AKR1C8: variants seen among roughly 807,000 people sequenced by gnomAD.
AKR1C8 encodes the protein aldo-keto reductase family 1 member C-like protein 1.
chr10:5,148,597 C>T, the AKR1C8 span, among the ~76,000 whole-genome samples: 1 of 152,070 alleles, frequency 6.6e-6, no homozygotes, highest in Non-Finnish European at 1.5e-5. Flanking sequence ...TCTTGTGAGC[C>T]TCTTATTAGT....
the AKR1C8 span, chr10:5,154,201 T>G: frequency 2.1e-6 from 1 of 469,944 alleles, no homozygotes; most frequent in Admixed American, 2.4e-5. Context: ...GAAAAAATAT[T>G]AATTTAGTAA....
chr10:5,138,682 A>C, the AKR1C8 span, among the ~76,000 whole-genome samples: 2 of 152,168 alleles, frequency 1.3e-5, no homozygotes, highest in Non-Finnish European at 2.9e-5. Context: ...ATGTCCATTA[A>C]ATCTTCACAA....
chr10:5,166,894 C>T, the AKR1C8 span, among the ~76,000 whole-genome samples: 2 of 150,954 alleles, frequency 1.3e-5, no homozygotes, highest in African/African-American at 4.9e-5. Context: ...ACTCATCTGA[C>T]AAAGGGCAAA....
chr10:5,164,965 A>ACTT, the AKR1C8 span, among the ~76,000 whole-genome samples: 1 of 152,218 alleles, frequency 6.6e-6, no homozygotes, highest in East Asian at 1.9e-4. Flanking sequence ...CATTTTTACA[A>ACTT]GTTGTGGATA....
At chr10:5,141,809 G>A in the AKR1C8 span, among the ~76,000 whole-genome samples, 1 of 152,100 alleles carries the variant, frequency 6.6e-6, no homozygotes, top group Non-Finnish European at 1.5e-5. Context: ...AAAGAGCTAT[G>A]CTGTAAGACA....
chr10:5,127,500 C>T, the AKR1C8 span, among the ~76,000 whole-genome samples: 1 of 152,018 alleles, frequency 6.6e-6, no homozygotes, highest in Non-Finnish European at 1.5e-5. Flanking sequence ...GGGTGAATCA[C>T]TTGAGGTCAG....
the AKR1C8 span, among the ~76,000 whole-genome samples, chr10:5,184,421 C>A: frequency 6.6e-6 from 1 of 152,186 alleles, no homozygotes; most frequent in Non-Finnish European, 1.5e-5. Context: ...GAGACTGTAA[C>A]AGAATCGCAG....
the AKR1C8 span, among the ~76,000 whole-genome samples, chr10:5,156,345 T>C: frequency 6.6e-6 from 1 of 152,226 alleles, no homozygotes; most frequent in Non-Finnish European, 1.5e-5. Flanking sequence ...ACTTAGATCT[T>C]ATGTTCAAAG....
At chr10:5,133,269 T>C in the AKR1C8 span, among the ~76,000 whole-genome samples, 3 of 152,090 alleles carry the variant, frequency 2.0e-5, no homozygotes, top group African/African-American at 7.2e-5. Context: ...GTTAAATTTT[T>C]GTATTTTTGG....
At chr10:5,128,399 C>A in the AKR1C8 span, among the ~76,000 whole-genome samples, 1 of 152,094 alleles carries the variant, frequency 6.6e-6, no homozygotes, top group Admixed American at 6.6e-5. Context: ...ATTTAGGTAA[C>A]AATTGAAATG....
At chr10:5,155,634 A>G in the AKR1C8 span, 2 of 444,546 alleles carry the variant, frequency 4.5e-6, no homozygotes, top group Non-Finnish European at 9.3e-6. Context: ...CCTGCATACT[A>G]CAGAAAACAG....
At chr10:5,180,912 G>A in the AKR1C8 span, among the ~76,000 whole-genome samples, 2 of 152,342 alleles carry the variant, frequency 1.3e-5, no homozygotes, top group South Asian at 2.1e-4. Flanking sequence ...GACTAGGAAA[G>A]GGAACTCCCT....
chr10:5,179,270 T>C, the AKR1C8 span, among the ~76,000 whole-genome samples: 1 of 152,332 alleles, frequency 6.6e-6, no homozygotes, highest in South Asian at 2.1e-4. Context: ...AAATTCTGGG[T>C]TGAAAATTCT....
At chr10:5,128,649 C>T in the AKR1C8 span, among the ~76,000 whole-genome samples, 3 of 151,396 alleles carry the variant, frequency 2.0e-5, no homozygotes, top group South Asian at 6.3e-4. Flanking sequence ...TTATATCAGA[C>T]AAAACAGACT....
chr10:5,175,726 G>A, the AKR1C8 span, among the ~76,000 whole-genome samples: 2 of 152,238 alleles, frequency 1.3e-5, no homozygotes, highest in Non-Finnish European at 2.9e-5. Context: ...CTGATGGCCA[G>A]TGATGGTGAG....
chr10:5,138,232 C>T, the AKR1C8 span, among the ~76,000 whole-genome samples: 2 of 152,088 alleles, frequency 1.3e-5, no homozygotes, highest in African/African-American at 4.8e-5. Context: ...CAGCCCTTAT[C>T]TCAACCACAT....
chr10:5,125,077 T>A, the AKR1C8 span, among the ~76,000 whole-genome samples: 1 of 151,206 alleles, frequency 6.6e-6, no homozygotes, highest in African/African-American at 2.4e-5. Flanking sequence ...ATCTTATATT[T>A]ATTTACCACT....
chr10:5,160,795 T>C, the AKR1C8 span: 1 of 471,070 alleles, frequency 2.1e-6, no homozygotes, highest in Non-Finnish European at 4.4e-6. Flanking sequence ...CTGCCTGGTG[T>C]CTGCAGCAGA....
At chr10:5,175,126 TCCC>T in the AKR1C8 span, among the ~76,000 whole-genome samples, 6 of 27,824 alleles carry the variant, frequency 2.2e-4, no homozygotes, top group Non-Finnish European at 3.7e-4. Flanking sequence ...CCCTCCCCCC[TCCC>T]CCAACCCCGC....
Sources: gnomAD v4.1 joint callset for allele counts (sites outside exome capture counted in the v4.1 genomes callset) on GRCh38, gnomAD v4.1.1 for gene constraint, MANE v1.5 for transcripts, NCBI Gene and HGNC (gene_info 2026-07-23, HGNC 2026-07-21) for gene names.